Variants in RASGRF2 observed in about 807,000 individuals in gnomAD.
RASGRF2 encodes the protein ras-specific guanine nucleotide-releasing factor 2.
RASGRF2 carries 76 observed loss-of-function variants against 151.0 expected under a neutral mutation model. The ratio of observed to expected loss-of-function variants is 0.50; its 90% confidence interval spans 0.42 to 0.61. RASGRF2 has a LOEUF of 0.61. RASGRF2 is among the 20% of genes least tolerant of loss of function. RASGRF2 has a pLI of 0.00. For missense variants in RASGRF2, 1,148 were observed against 1,564.6 expected, an observed-to-expected ratio of 0.73 and a Z score of 4.49; for synonymous variants, 504 against 566.5, an observed-to-expected ratio of 0.89 and a Z score of 1.57.
At chr5:80,971,196 A>G (rs1223526005) in intron 1 of RASGRF2, among the ~76,000 whole-genome samples, 1 of 152,184 alleles carries the variant, frequency 6.6e-6, no homozygotes, top group Non-Finnish European at 1.5e-5. Flanking sequence ...CATTGACACG[A>G]TCAGCCCTCC....
intron 7 of RASGRF2, among the ~76,000 whole-genome samples, chr5:81,083,365 T>C (rs1001956222): frequency 1.3e-5 from 2 of 151,574 alleles, no homozygotes; most frequent in African/African-American, 2.4e-5. Context: ...TGAGCCCAGA[T>C]ATGGAGGCAG....
chr5:81,118,443 G>A (rs1428643449), intron 15 of RASGRF2, among the ~76,000 whole-genome samples: 1 of 152,220 alleles, frequency 6.6e-6, no homozygotes. Context: ...AGCAAATGCT[G>A]TGGTCCCTTA....
chr5:81,106,956 G>C (rs1040117528), intron 12 of RASGRF2, among the ~76,000 whole-genome samples: 1 of 152,182 alleles, frequency 6.6e-6, no homozygotes, highest in African/African-American at 2.4e-5. Context: ...ACCAGCAGAG[G>C]AAGGATGGGC....
At chr5:80,962,111 CT>C (rs1385758495) in intron 1 of RASGRF2, among the ~76,000 whole-genome samples, 1 of 152,152 alleles carries the variant, frequency 6.6e-6, no homozygotes, top group Non-Finnish European at 1.5e-5. Flanking sequence ...CCCTTTGGGG[CT>C]CATAAAACAA....
Position 81,113,875 on chromosome 5 carries a change from C to A in RASGRF2, c.2425C>A (p.Pro809Thr), listed in dbSNP as rs367834465. The A allele has an allele frequency of 4.2e-5, 67 of 1,614,010 alleles. No individual in the cohort carries two copies. Among genetic ancestry groups the A allele is most frequent in the Non-Finnish European group, 5.5e-5 (65 of 1,180,014 alleles). ...AACGGTAGAAGAGAATGTCGATAACCCACGCGTGGATCTGTGTAACAAGCT... is the reference window on the plus strand; with the variant it reads ...AACGGTAGAAGAGAATGTCGATAACACACGCGTGGATCTGTGTAACAAGCT... Reference protein sequence around the residue: ...PGTVEENVDNPRVDLCNKLKR... With the variant: ...PGTVEENVDNTRVDLCNKLKR... The change falls in exon 15 of 27, where the codon CCA becomes ACA. Residue 809 changes from proline to threonine, a missense_variant. By Grantham distance (38) the Pro-to-Thr change is conservative. This residue lies in a region of RASGRF2 where 646 missense variants were observed against 807.4 expected (regional missense o/e 0.80). Transcript: ENST00000265080.
intron 20 of RASGRF2, 132 bp from the exon 21 acceptor site, chr5:81,207,114 A>G: frequency 5.8e-6 from 5 of 867,792 alleles, no homozygotes; most frequent in Middle Eastern, 3.1e-4. Flanking sequence ...GCTTTCTGCC[A>G]TTTTTTTCAT....
At chr5:81,167,091 ACC>A (rs1754529040) in intron 17 of RASGRF2, among the ~76,000 whole-genome samples, 1 of 152,120 alleles carries the variant, frequency 6.6e-6, no homozygotes, top group Non-Finnish European at 1.5e-5. Flanking sequence ...TTAAAGCATC[ACC>A]ACACTGAGCT....
chr5:81,035,698 A>G (rs1031827353), intron 1 of RASGRF2, among the ~76,000 whole-genome samples: 1 of 152,200 alleles, frequency 6.6e-6, no homozygotes, highest in African/African-American at 2.4e-5. Flanking sequence ...GAATTAGAAG[A>G]AAGTCTTAGA....
intron 1 of RASGRF2, among the ~76,000 whole-genome samples, chr5:81,027,730 G>C (rs1412225636): frequency 1.3e-5 from 2 of 152,204 alleles, no homozygotes; most frequent in Admixed American, 6.5e-5. Context: ...TAAAAGTGTA[G>C]TAAAAACATT....
In RASGRF2 at chr5:81,089,660, G is replaced by A. The variant is rs556040699; in HGVS notation, c.1390+2707G>A. On this transcript the variant is annotated intron_variant, in intron 9 of 26. Transcript: ENST00000265080. ...TGTGTGAGTGTCTGAGGCAATGATA[G>A]GAAAACAGTCTAGCTGCATCACTGG... 5.3e-5 allele frequency among the ~76,000 whole-genome samples: 8 copies of A among 152,288 alleles called. No homozygotes were observed. In the South Asian group the frequency reaches 1.5e-3, roughly 28 times the overall value.
chr5:81,142,729 A>C (rs537599076), intron 17 of RASGRF2, among the ~76,000 whole-genome samples: 1 of 152,190 alleles, frequency 6.6e-6, no homozygotes, highest in Non-Finnish European at 1.5e-5. Context: ...TGAAAATGCA[A>C]GTGTCCCTGT....
chr5:81,003,056 G>C (rs12153143), intron 1 of RASGRF2, among the ~76,000 whole-genome samples: 1 of 151,816 alleles, frequency 6.6e-6, no homozygotes, highest in Non-Finnish European at 1.5e-5. Context: ...ATCACAAAGA[G>C]ACTATTTTTT....
At chr5:81,027,802 G>A (rs952445622) in intron 1 of RASGRF2, among the ~76,000 whole-genome samples, 9 of 152,178 alleles carry the variant, frequency 5.9e-5, no homozygotes, top group Admixed American at 4.6e-4. Context: ...AGTCAGCTGC[G>A]AGTTTGAAAC....
intron 1 of RASGRF2, among the ~76,000 whole-genome samples, chr5:80,994,088 G>T (rs1260628094): frequency 6.6e-6 from 1 of 152,056 alleles, no homozygotes; most frequent in Non-Finnish European, 1.5e-5. Flanking sequence ...TGGCTCCAGG[G>T]CCCCCTGCGA....
rs534837183 is a variant in RASGRF2 at position 80,980,597 on chromosome 5, G to A, written c.288+19571G>A. Among the ~76,000 whole-genome samples the A allele has an allele frequency of 7.0e-4, 107 of 152,220 alleles. 1 individual carries two copies. Among genetic ancestry groups the A allele is most frequent in the African/African-American group, 2.4e-3 (98 of 41,520 alleles). On this transcript the variant is annotated intron_variant, in intron 1 of 26. Coordinates refer to ENST00000265080, the MANE Select transcript of RASGRF2 (RefSeq NM_006909.3). ...GCAAAGGTTGCAGTGAACCGAGATC[G>A]TGCCACTGCACTCTAGCCTGGGCGA... is the stretch of plus-strand genomic sequence containing the variant.
chr5:81,005,537 T>C (rs1749241407), intron 1 of RASGRF2, among the ~76,000 whole-genome samples: 1 of 152,154 alleles, frequency 6.6e-6, no homozygotes, highest in African/African-American at 2.4e-5. Flanking sequence ...GTCAGTGTTT[T>C]TAAGATTTAT....
intron 7 of RASGRF2, among the ~76,000 whole-genome samples, chr5:81,081,349 C>T (rs981699405): frequency 6.6e-6 from 1 of 152,148 alleles, no homozygotes; most frequent in Admixed American, 6.5e-5. Context: ...ACGGGTGGGA[C>T]CTGAGGACTC....
intron 18 of RASGRF2, among the ~76,000 whole-genome samples, chr5:81,197,600 T>TTG (rs1701654829): frequency 6.6e-6 from 1 of 152,232 alleles, no homozygotes; most frequent in Non-Finnish European, 1.5e-5. Flanking sequence ...AATTATGATC[T>TTG]TGTTAATTGT....
intron 17 of RASGRF2, among the ~76,000 whole-genome samples, chr5:81,139,385 TTTTC>T (rs145846253): frequency 0.51 from 66,812 of 131,370 alleles, 17,198 homozygotes; most frequent in East Asian, 0.75. Flanking sequence ...ACGCCTTTCA[TTTTC>T]TTTCTTTCTT....
Sources: gnomAD v4.1 joint callset for allele counts (sites outside exome capture counted in the v4.1 genomes callset) on GRCh38, gnomAD v4.1.1 for gene constraint, gnomAD v4.1.1 regional missense constraint, MANE v1.5 for transcripts, NCBI Gene and HGNC (gene_info 2026-07-23, HGNC 2026-07-21) for gene names.